KDM2A: variants seen among roughly 807,000 people sequenced by gnomAD.
The protein encoded by KDM2A is lysine-specific demethylase 2A.
In KDM2A, 3 loss-of-function variants were observed where a neutral mutation model predicts 137.3. That is an observed-to-expected ratio of 0.02 (90% CI 0.01 to 0.06). The LOEUF (loss-of-function observed/expected upper bound fraction) is 0.06, where lower values mean the gene tolerates loss of function less well. KDM2A is among the 10% of genes least tolerant of loss of function. The pLI is 1.00. For synonymous variants in KDM2A, 512 were observed against 541.5 expected (o/e 0.95, Z 0.76); for missense variants, 738 against 1,510.6 (o/e 0.49, Z 8.48).
chr11:67,240,704 AC>A (rs1186392695), intron 12 of KDM2A, among the ~76,000 whole-genome samples: 1 of 151,750 alleles, frequency 6.6e-6, no homozygotes, highest in Non-Finnish European at 1.5e-5. Context: ...CCCGCACTCC[AC>A]CCCCGCTCTC....
intron 5 of KDM2A, among the ~76,000 whole-genome samples, chr11:67,190,775 G>A (rs918655757): frequency 1.7e-4 from 26 of 151,902 alleles, no homozygotes; most frequent in Non-Finnish European, 3.1e-4. Context: ...AAAATACTAC[G>A]AACAATTGTT....
chr11:67,241,286 C>A (rs1271185260), intron 12 of KDM2A, among the ~76,000 whole-genome samples: 1 of 152,182 alleles, frequency 6.6e-6, no homozygotes, highest in South Asian at 2.1e-4. Context: ...TCTTCACCCC[C>A]ACGCTGTATG....
At chr11:67,225,509 G>A (rs967078330) in intron 10 of KDM2A, among the ~76,000 whole-genome samples, 1 of 151,836 alleles carries the variant, frequency 6.6e-6, no homozygotes, top group Non-Finnish European at 1.5e-5. Flanking sequence ...GCTGGCTCAC[G>A]CCTGTAATCC....
intron 15 of KDM2A, among the ~76,000 whole-genome samples, chr11:67,247,532 A>G (rs1299097046): frequency 1.4e-5 from 2 of 147,194 alleles, no homozygotes; most frequent in South Asian, 2.1e-4. Flanking sequence ...GGTTCAAGCA[A>G]TTCTTCTGCC....
At chr11:67,200,207 T>C (rs1857582922) in intron 5 of KDM2A, among the ~76,000 whole-genome samples, 1 of 151,944 alleles carries the variant, frequency 6.6e-6, no homozygotes, top group Admixed American at 6.6e-5. Context: ...AGATTAATAT[T>C]GTTTGTGTGG....
At chr11:67,238,131 A>G (rs546591112) in intron 12 of KDM2A, among the ~76,000 whole-genome samples, 1 of 152,220 alleles carries the variant, frequency 6.6e-6, no homozygotes, top group East Asian at 1.9e-4. Flanking sequence ...GTATTATGTA[A>G]TGTCATGGTC....
chr11:67,252,471 T>C (rs1190805368), intron 17 of KDM2A: 10 of 561,908 alleles, frequency 1.8e-5, no homozygotes, highest in African/African-American at 5.6e-5. Context: ...GGTCAAGTTA[T>C]ATACTATCAA....
intron 5 of KDM2A, among the ~76,000 whole-genome samples, chr11:67,202,093 A>G (rs141093719): frequency 6.6e-6 from 1 of 152,298 alleles, no homozygotes; most frequent in African/African-American, 2.4e-5. Context: ...TCAGTGGAGG[A>G]AGTAACTGCA....
chr11:67,186,391 A>T (rs535481821), intron 5 of KDM2A, among the ~76,000 whole-genome samples: 1 of 152,352 alleles, frequency 6.6e-6, no homozygotes, highest in African/African-American at 2.4e-5. Context: ...CTGTCAACCA[A>T]GCATCCTATA....
At chr11:67,221,229 G>A (rs1181181339) in intron 10 of KDM2A, among the ~76,000 whole-genome samples, 1 of 152,142 alleles carries the variant, frequency 6.6e-6, no homozygotes, top group Non-Finnish European at 1.5e-5. Flanking sequence ...ATATTTGGGG[G>A]TTGTGATGTT....
At chr11:67,253,708 C>T (rs1011309956) in intron 19 of KDM2A, 97 bp downstream of exon 19, 9 of 1,286,264 alleles carry the variant, frequency 7.0e-6, no homozygotes, top group East Asian at 4.6e-5. Flanking sequence ...TCAGATATGA[C>T]GCTGTGGAAG....
intron 2 of KDM2A, among the ~76,000 whole-genome samples, chr11:67,121,608 A>G (rs893614708): frequency 6.6e-6 from 1 of 152,214 alleles, no homozygotes; most frequent in African/African-American, 2.4e-5. Flanking sequence ...ACCATTGTAT[A>G]CCAAAGGATT....
intron 2 of KDM2A, among the ~76,000 whole-genome samples, chr11:67,143,647 T>A (rs534485352): frequency 4.6e-4 from 70 of 151,912 alleles, no homozygotes; most frequent in African/African-American, 1.4e-3. Flanking sequence ...TTATTTATTT[T>A]TTTGAGATAG....
intron 2 of KDM2A, among the ~76,000 whole-genome samples, chr11:67,141,786 C>G (rs1322366169): frequency 6.6e-6 from 1 of 151,084 alleles, no homozygotes; most frequent in Non-Finnish European, 1.5e-5. Flanking sequence ...TATGTTCATG[C>G]CCATTAACCA....
chr11:67,200,711 T>TACCCAGGCTGTGCA lies in KDM2A; in HGVS notation c.308-6789_308-6788insTGCAACCCAGGCTG, dbSNP rs541934307. Reference sequence around the variant, plus strand: ...TGGTAGAGACACAGTTTGACCCTGTTACCCAGGCTGGTTTAGAACTCCTGG... The same window carrying TACCCAGGCTGTGCA: ...TGGTAGAGACACAGTTTGACCCTGTTACCCAGGCTGTGCAACCCAGGCTGGTTTAGAACTCCTGG... On this transcript the variant is annotated intron_variant, in intron 5 of 20. Coordinates refer to ENST00000529006, the MANE Select transcript of KDM2A (RefSeq NM_012308.3). Among the ~76,000 whole-genome samples, 312 of 151,326 alleles carry TACCCAGGCTGTGCA rather than the reference T, an allele frequency of 2.1e-3. 2 individuals are homozygous for TACCCAGGCTGTGCA. The highest frequency in any genetic ancestry group is 6.8e-3 in the Middle Eastern group (2 of 292).
chr11:67,154,887 GAT>G (rs1417573217), intron 2 of KDM2A, among the ~76,000 whole-genome samples: 1 of 152,184 alleles, frequency 6.6e-6, no homozygotes, highest in African/African-American at 2.4e-5. Context: ...CCGTTGTATG[GAT>G]ATACCACATT....
intron 5 of KDM2A, among the ~76,000 whole-genome samples, chr11:67,202,749 C>T (rs1857667233): frequency 6.7e-6 from 1 of 150,300 alleles, no homozygotes; most frequent in South Asian, 2.1e-4. Flanking sequence ...ACGCTCCAGC[C>T]TGGGCGACAG....
At position 67,203,607 on chromosome 11, in the gene KDM2A, TAACTG is replaced by T. The variant is rs1857713364; in HGVS notation, c.308-3902_308-3898del. On this transcript the variant is annotated intron_variant, in intron 5 of 20. Transcript: ENST00000529006. Reference sequence around the variant, plus strand: ...TGTCTTTACCAAAAATACAAAAAATTAACTGGGTATGGTGGCATGCACTGTAGTCC... The same window carrying T: ...TGTCTTTACCAAAAATACAAAAAATTGGTATGGTGGCATGCACTGTAGTCC... Among the ~76,000 whole-genome samples, 4 of 150,378 alleles carry T rather than the reference TAACTG, an allele frequency of 2.7e-5. No homozygotes were observed. The South Asian group carries it at 6.2e-4, about 23-fold the overall frequency.
intron 2 of KDM2A, among the ~76,000 whole-genome samples, chr11:67,141,710 A>C (rs1044735619): frequency 5.6e-5 from 8 of 143,278 alleles, no homozygotes; most frequent in Admixed American, 7.1e-5. Flanking sequence ...TATATATAAA[A>C]TTCATTGTTA....
Sources: gnomAD v4.1 joint callset for allele counts (sites outside exome capture counted in the v4.1 genomes callset) on GRCh38, gnomAD v4.1.1 for gene constraint, MANE v1.5 for transcripts, NCBI Gene and HGNC (gene_info 2026-07-23, HGNC 2026-07-21) for gene names.